WASL: variants seen among roughly 807,000 people sequenced by gnomAD.
The protein encoded by WASL is actin nucleation-promoting factor WASL.
Under a neutral mutation model 55.5 loss-of-function variants are expected in WASL, and 20 were observed. That is an observed-to-expected ratio of 0.36 (90% CI 0.25 to 0.52). WASL has a LOEUF of 0.52. Ranked by LOEUF, WASL falls within the 20% of genes least tolerant of loss-of-function variation. WASL has a pLI of 0.92. For synonymous variants in WASL, 249 were observed against 217.6 expected, an observed-to-expected ratio of 1.14 and a Z score of -1.27; for missense variants, 504 against 622.5, an observed-to-expected ratio of 0.81 and a Z score of 2.03.
chr7:123,692,447 C>A lies in WASL; in HGVS notation c.1247G>T (p.Gly416Val). 1 of 1,614,122 alleles carries A rather than the reference C, an allele frequency of 6.2e-7. No individual in the cohort carries two copies. Among genetic ancestry groups the A allele is most frequent in the Non-Finnish European group, 8.5e-7 (1 of 1,180,018 alleles). Residue 416 changes from glycine to valine, a missense_variant, in exon 9 of 11, where the codon GGT (glycine) becomes GTT (valine). Physicochemically the swap from Gly to Val is moderately radical, Grantham distance 109. Around this residue, in one of 5 missense-constraint regions of WASL, gnomAD observed 201 missense variants for 206.2 expected, o/e 0.97. Coordinates refer to ENST00000223023, the MANE Select transcript of WASL (RefSeq NM_003941.4). Reference protein sequence around the residue: ...KAALLDQIREGAQLKKVEQNS... With the variant: ...KAALLDQIREVAQLKKVEQNS... Reference sequence around the variant, plus strand: ...CTGCTCCACTTTTTTTAGCTGAGCACCCTCTCTAATTTGATCTAAAAGAGC... The same window carrying A: ...CTGCTCCACTTTTTTTAGCTGAGCAACCTCTCTAATTTGATCTAAAAGAGC...
chr7:123,748,566 C>T, intron 1 of WASL, 52 bp downstream of exon 1: 1 of 1,591,350 alleles, frequency 6.3e-7, no homozygotes, highest in African/African-American at 1.4e-5. Flanking sequence ...GCCCCCAAGC[C>T]CGGGCCCGTG....
chr7:123,689,020 C>A, intron 10 of WASL, 22 bp downstream of exon 10: 1 of 1,567,534 alleles, frequency 6.4e-7, no homozygotes, highest in South Asian at 1.1e-5. Flanking sequence ...CTCTCTCTCT[C>A]TCTCTCTCTC....
chr7:123,734,768 C>CA (rs1339603843), intron 1 of WASL, among the ~76,000 whole-genome samples: 1 of 151,862 alleles, frequency 6.6e-6, no homozygotes, highest in Non-Finnish European at 1.5e-5. Context: ...CTGTACAATA[C>CA]AAAGACTTAA....
chr7:123,722,384 T>C (rs867492354), intron 1 of WASL, among the ~76,000 whole-genome samples: 12 of 152,336 alleles, frequency 7.9e-5, no homozygotes, highest in South Asian at 6.2e-4. Flanking sequence ...ATTCACAAAA[T>C]GTCTGGCTAA....
At chr7:123,733,772 A>G (rs1005093311) in intron 1 of WASL, among the ~76,000 whole-genome samples, 3 of 152,146 alleles carry the variant, frequency 2.0e-5, no homozygotes, top group African/African-American at 7.2e-5. Context: ...GCAAACACAA[A>G]TAGACAAAAT....
intron 1 of WASL, among the ~76,000 whole-genome samples, chr7:123,723,577 G>A (rs1206692322): frequency 1.3e-4 from 20 of 152,182 alleles, no homozygotes; most frequent in Admixed American, 1.3e-3. Context: ...TACTTCCAGT[G>A]TTAGAGACTC....
At chr7:123,727,106 A>G (rs1804058214) in intron 1 of WASL, among the ~76,000 whole-genome samples, 1 of 152,120 alleles carries the variant, frequency 6.6e-6, no homozygotes, top group African/African-American at 2.4e-5. Context: ...TCATCAAGGA[A>G]ATATAATGAA....
chr7:123,717,423 T>C (rs1365089947), intron 1 of WASL, among the ~76,000 whole-genome samples: 1 of 152,240 alleles, frequency 6.6e-6, no homozygotes, highest in Non-Finnish European at 1.5e-5. Flanking sequence ...ATGATCGTGG[T>C]ACTTCCATCA....
At chr7:123,717,538 G>C (rs1339257228) in intron 1 of WASL, among the ~76,000 whole-genome samples, 1 of 152,220 alleles carries the variant, frequency 6.6e-6, no homozygotes, top group Non-Finnish European at 1.5e-5. Context: ...GGATTTGCAT[G>C]AGTGTTGCCC....
At chr7:123,728,067 T>A (rs1804080777) in intron 1 of WASL, among the ~76,000 whole-genome samples, 1 of 152,212 alleles carries the variant, frequency 6.6e-6, no homozygotes, top group South Asian at 2.1e-4. Context: ...ATTCATCATC[T>A]CAGGCATCCA....
chr7:123,692,620 A>T lies in WASL; in HGVS notation c.1074T>A (p.Pro358=). 1 of 1,597,128 alleles carries T rather than the reference A, an allele frequency of 6.3e-7. No homozygotes were observed. Among genetic ancestry groups the T allele is most frequent in the Non-Finnish European group, 8.5e-7 (1 of 1,172,534 alleles). ...PALPSSAPSG[P]PPPPPSVLGV... is the part of the protein sequence containing the mutation. Reference sequence around the variant, plus strand: ...CCAACACAGATGGAGGTGGTGGTGGAGGCCCTGAAGGTGCTGAGGAGGGAA... The same window carrying T: ...CCAACACAGATGGAGGTGGTGGTGGTGGCCCTGAAGGTGCTGAGGAGGGAA... Residue 358 remains proline (P), a synonymous_variant, in exon 9 of 11, where the codon CCT becomes CCA. Transcript: ENST00000223023.
chr7:123,743,726 T>C (rs1486256966), intron 1 of WASL, among the ~76,000 whole-genome samples: 3 of 152,214 alleles, frequency 2.0e-5, no homozygotes, highest in Non-Finnish European at 2.9e-5. Context: ...GGACTCTAAG[T>C]ATTTTCCATA....
At chr7:123,734,590 G>GT (rs1562966003) in intron 1 of WASL, among the ~76,000 whole-genome samples, 2 of 41,354 alleles carry the variant, frequency 4.8e-5, no homozygotes, top group Admixed American at 3.3e-4. Context: ...TATAGAAAAT[G>GT]TAAAAAAAAA....
At chr7:123,742,094 A>G (rs970291034) in intron 1 of WASL, among the ~76,000 whole-genome samples, 4 of 152,216 alleles carry the variant, frequency 2.6e-5, no homozygotes, top group African/African-American at 9.7e-5. Flanking sequence ...TTGGTGAAAG[A>G]GACACTGTTC....
intron 1 of WASL, among the ~76,000 whole-genome samples, chr7:123,729,061 T>C (rs1209318975): frequency 6.6e-6 from 1 of 152,194 alleles, no homozygotes; most frequent in African/African-American, 2.4e-5. Flanking sequence ...ATTTGCACTG[T>C]CGTCATTATT....
Position 123,732,883 on chromosome 7 carries a change from C to T in WASL, c.117+15735G>A, listed in dbSNP as rs539978473. ...CTAGGTATGCAAGGTTGGCTCAACA[C>T]TCAAAAGTCAACTAATATAACCTAT... On this transcript the variant is annotated intron_variant, in intron 1 of 10. Coordinates refer to ENST00000223023, the MANE Select transcript of WASL (RefSeq NM_003941.4). Among the ~76,000 whole-genome samples, 9 of 152,208 alleles carry T rather than the reference C, an allele frequency of 5.9e-5. No individual in the cohort carries two copies. The South Asian group carries it at 1.2e-3, about 21-fold the overall frequency.
intron 1 of WASL, among the ~76,000 whole-genome samples, chr7:123,716,742 A>G (rs1237842167): frequency 1.3e-5 from 2 of 152,040 alleles, no homozygotes; most frequent in Non-Finnish European, 2.9e-5. Flanking sequence ...CTTCTGTGGG[A>G]ACAGTTTGGG....
intron 1 of WASL, among the ~76,000 whole-genome samples, chr7:123,740,108 T>C (rs945860538): frequency 6.6e-6 from 1 of 152,096 alleles, no homozygotes; most frequent in African/African-American, 2.4e-5. Flanking sequence ...CTAATAAAAA[T>C]CATTTCAGTT....
At chr7:123,698,888 T>G (rs1032498475) in intron 5 of WASL, among the ~76,000 whole-genome samples, 1 of 152,144 alleles carries the variant, frequency 6.6e-6, no homozygotes, top group Non-Finnish European at 1.5e-5. Context: ...GAGGGTTGAA[T>G]TGGGGTTACA....
Sources: gnomAD v4.1 joint callset for allele counts (sites outside exome capture counted in the v4.1 genomes callset) on GRCh38, gnomAD v4.1.1 for gene constraint, gnomAD v4.1.1 regional missense constraint, MANE v1.5 for transcripts, NCBI Gene and HGNC (gene_info 2026-07-23, HGNC 2026-07-21) for gene names.